The following DCP1B variants were observed in gnomAD, a reference collection of about 807,000 sequenced individuals.
The protein encoded by DCP1B is decapping mRNA 1B, also known as mRNA-decapping enzyme 1B.
In DCP1B, 47 loss-of-function variants were observed where a neutral mutation model predicts 60.5. That is an observed-to-expected ratio of 0.78 (90% confidence interval 0.61 to 0.99). The LOEUF is 0.99. Ranked by LOEUF, DCP1B falls within the 50% of genes least tolerant of loss-of-function variation. The pLI is 0.00. For synonymous variants in DCP1B, 267 were observed against 280.3 expected (o/e 0.95, Z 0.47); for missense variants, 725 against 756.8 (o/e 0.96, Z 0.49).
intron 3 of DCP1B, among the ~76,000 whole-genome samples, chr12:1,988,474 G>A (rs1002740339): frequency 1.3e-5 from 2 of 152,182 alleles, no homozygotes; most frequent in South Asian, 2.1e-4. Flanking sequence ...GGGTCAATGC[G>A]TGGTATAGCC....
chr12:1,952,351 T>TG, intron 7 of DCP1B, 65 bp downstream of exon 7: 1 of 1,478,062 alleles, frequency 6.8e-7, no homozygotes, highest in Non-Finnish European at 9.0e-7. Context: ...TTTTTTTTTT[T>TG]TTTTAGGGAC....
At position 1,952,510 on chromosome 12, in the gene DCP1B, A is replaced by G. The variant is rs1274643319; in HGVS notation, c.1430T>C (p.Phe477Ser). Residue 477 changes from phenylalanine (F) to serine (S), a missense_variant, in exon 7 of 9, where the codon TTT becomes TCT. Physicochemically the swap from Phe to Ser is radical, Grantham distance 155. Transcript: ENST00000280665. ...TCCAGAGCTCTGAGCGAGCACAGGA[A>G]ACTTAGCGGCCAAGGCTGGCCGGTT... ...ASNRPALAAK[F>S]PVLAQSSGTG... 1 of 1,614,140 alleles carries G rather than the reference A, an allele frequency of 6.2e-7. No homozygotes were observed. Among genetic ancestry groups the G allele is most frequent in the Admixed American group, 1.7e-5 (1 of 60,022 alleles).
chr12:1,989,267 T>C (rs1016831186), intron 3 of DCP1B, among the ~76,000 whole-genome samples: 2 of 152,144 alleles, frequency 1.3e-5, no homozygotes, highest in African/African-American at 4.8e-5. Context: ...GCCCAGGAGT[T>C]CAAGGTTGCA....
intron 3 of DCP1B, among the ~76,000 whole-genome samples, chr12:1,970,027 C>T (rs977555543): frequency 6.6e-6 from 1 of 152,112 alleles, no homozygotes; most frequent in Admixed American, 6.5e-5. Flanking sequence ...TGAATAGGCT[C>T]TATTAATAAG....
At chr12:1,984,380 C>G (rs2037044808) in intron 3 of DCP1B, among the ~76,000 whole-genome samples, 1 of 151,886 alleles carries the variant, frequency 6.6e-6, no homozygotes, top group Non-Finnish European at 1.5e-5. Flanking sequence ...GGTGATATCT[C>G]TATATTTCTT....
chr12:1,971,265 T>G lies in DCP1B; in HGVS notation c.320-3355A>C, dbSNP rs1258575892. ...ATGTTGAAATTTACTCTAAATATCCTAATGATACCTAGAATGTGACTTCCT... is the reference window on the plus strand; with the variant it reads ...ATGTTGAAATTTACTCTAAATATCCGAATGATACCTAGAATGTGACTTCCT... On this transcript the variant is annotated intron_variant, in intron 3 of 8. Transcript: ENST00000280665. The surrounding 1 kb of genome is among the most constrained non-coding windows in gnomAD (Gnocchi z 4.2). 1.2e-6 allele frequency: 1 copy of G among 833,706 alleles called. No individual in the cohort carries two copies. Among genetic ancestry groups the G allele is most frequent in the Non-Finnish European group, 1.7e-6 (1 of 583,098 alleles). The allele number at this position is 833,706 out of a possible 1,614,324, so 51.6% of individuals were successfully genotyped here.
intron 3 of DCP1B, among the ~76,000 whole-genome samples, chr12:1,979,022 CAT>C (rs751203965): frequency 9.9e-5 from 15 of 152,118 alleles, no homozygotes; most frequent in Non-Finnish European, 1.9e-4. Context: ...TTTGTGTGGA[CAT>C]GTGCTTTCGG....
chr12:1,993,424 T>C lies in DCP1B; in HGVS notation c.192-33A>G, dbSNP rs772004125. The C allele has an allele frequency of 2.2e-5, 36 of 1,600,306 alleles. No homozygotes were observed. The East Asian group carries it at 6.3e-4, about 28-fold the overall frequency. ...TCACAAGGAGTCAGGGGGAAATCAA[T>C]AGACAAATTGCTTAGTATGCTATAT... is the stretch of plus-strand genomic sequence containing the variant. On this transcript the variant is annotated intron_variant, in intron 2 of 8. Coordinates refer to ENST00000280665, the MANE Select transcript of DCP1B (RefSeq NM_152640.5).
chr12:1,952,345 T>G, intron 7 of DCP1B, 71 bp downstream of exon 7: 1 of 1,479,550 alleles, frequency 6.8e-7, no homozygotes, highest in South Asian at 1.5e-5. Context: ...GGCTACTTTT[T>G]TTTTTTTTTT....
At chr12:1,947,181 T>G (rs752639784) in intron 8 of DCP1B, among the ~76,000 whole-genome samples, 4 of 152,230 alleles carry the variant, frequency 2.6e-5, no homozygotes, top group Non-Finnish European at 4.4e-5. Context: ...TTTGCCTGGC[T>G]AAGGAGTGAG....
rs529753170 is a variant in DCP1B, at chr12:1,978,493, A to G, written c.320-10583T>C. Among the ~76,000 whole-genome samples, 4 of 152,330 alleles carry G rather than the reference A, an allele frequency of 2.6e-5. No homozygotes were observed. The East Asian group carries it at 5.8e-4, about 22-fold the overall frequency. ...TCCTTAAATTTTCATTTATTTAAAT[A>G]CTTCTTTTATAAGGTTCAATTATTT... On this transcript the variant is annotated intron_variant, in intron 3 of 8. Transcript: ENST00000280665.
chr12:1,999,676 T>C (rs1256449318), intron 1 of DCP1B, among the ~76,000 whole-genome samples: 2 of 152,120 alleles, frequency 1.3e-5, no homozygotes, highest in African/African-American at 4.8e-5. Context: ...CAGTGAGCTA[T>C]GATTGTACCT....
intron 3 of DCP1B, among the ~76,000 whole-genome samples, chr12:1,984,588 CT>C (rs1427068619): frequency 1.3e-5 from 2 of 151,834 alleles, no homozygotes; most frequent in African/African-American, 4.8e-5. Flanking sequence ...AATGTTATAA[CT>C]TTTGCTTTCA....
At chr12:1,951,348 C>T (rs938025899) in intron 7 of DCP1B, among the ~76,000 whole-genome samples, 44 of 152,204 alleles carry the variant, frequency 2.9e-4, no homozygotes, top group African/African-American at 1.1e-3. Flanking sequence ...ACAGGGAGAA[C>T]TTTCCAATTT....
rs12423058 is a variant in DCP1B, at chr12:1,955,500, T to C, written c.583A>G (p.Asn195Asp). ...TTCACTGGAATTGGTTTGATGAGAT[T>C]TGGATTGTCATAGATGGCAGAGGAA... Reference protein sequence around the residue: ...TSSSAIYDNPNLIKPIPVKPS... With the variant: ...TSSSAIYDNPDLIKPIPVKPS... The change falls in exon 6 of 9, where the codon AAT (asparagine) becomes GAT (aspartate). Residue 195 changes from asparagine (N) to aspartate (D), a missense_variant. Coordinates refer to ENST00000280665, the MANE Select transcript of DCP1B (RefSeq NM_152640.5). The C allele has an allele frequency of 0.034, 54,761 of 1,613,832 alleles. 1,112 individuals are homozygous for C. The highest frequency in any genetic ancestry group is 0.04 in the Non-Finnish European group (47,013 of 1,179,786).
Position 1,946,127 on chromosome 12 carries a change from G to T in DCP1B, c.*79C>A. 2 of 1,126,396 alleles carry T rather than the reference G, an allele frequency of 1.8e-6. No individual in the cohort carries two copies. The highest frequency in any genetic ancestry group is 2.5e-6 in the Non-Finnish European group (2 of 809,250). 69.8% of individuals were successfully genotyped at this position (1,126,396 alleles called of 1,614,324 possible). On this transcript the variant is annotated 3_prime_UTR_variant, in exon 9 of 9. Transcript: ENST00000280665. ...TTTAAAAAAGGCAGAAACATTGAAGGAAACAACACTCAACATGAAAGAACC... is the reference window on the plus strand; with the variant it reads ...TTTAAAAAAGGCAGAAACATTGAAGTAAACAACACTCAACATGAAAGAACC...
rs550369646 is a variant in DCP1B, at chr12:1,952,716, G to A, written c.1224C>T (p.Phe408=). The change falls in exon 7 of 9, where the codon TTC becomes TTT. Residue 408 remains phenylalanine, a synonymous_variant. Transcript: ENST00000280665. ...KGLAQPPQAY[F]NGSLPPQTVG... ...CTGTCTGAGGTGGAAGGGAGCCATT[G>A]AAATAGGCCTGTGGTGGCTGAGCCA... 2.2e-5 allele frequency: 36 copies of A among 1,614,174 alleles called. 2 individuals carry two copies. The South Asian group carries it at 4.0e-4, about 18-fold the overall frequency.
intron 5 of DCP1B, among the ~76,000 whole-genome samples, chr12:1,956,733 C>G (rs2030899455): frequency 6.6e-6 from 1 of 152,180 alleles, no homozygotes; most frequent in Admixed American, 6.5e-5. Flanking sequence ...CATGGATAAC[C>G]AAGACAAGAC....
chr12:1,943,483 C>CA (rs1180787103), downstream of DCP1B, among the ~76,000 whole-genome samples: 3 of 151,964 alleles, frequency 2.0e-5, no homozygotes, highest in Non-Finnish European at 4.4e-5. Context: ...AGACACACAA[C>CA]AAAAAAAGAA....
Sources: gnomAD v4.1 joint callset for allele counts (sites outside exome capture counted in the v4.1 genomes callset) on GRCh38, gnomAD v4.1.1 for gene constraint, Gnocchi (gnomAD v3.1) non-coding constraint, MANE v1.5 for transcripts, NCBI Gene and HGNC (gene_info 2026-07-23, HGNC 2026-07-21) for gene names.